NFASC: variants seen among roughly 807,000 people sequenced by gnomAD.
The protein encoded by NFASC is neurofascin homolog.
NFASC carries 43 observed loss-of-function variants against 147.5 expected under a neutral mutation model. That is an observed-to-expected ratio of 0.29 (90% CI 0.23 to 0.38). The LOEUF is 0.38. NFASC is among the 10% of genes least tolerant of loss of function. The probability of loss-of-function intolerance (pLI) is 1.00; values close to 1 mark genes in which losing one functional copy is unlikely to be tolerated. For synonymous variants in NFASC, 622 were observed against 665.5 expected (o/e 0.93, Z 1.01); for missense variants, 1,320 against 1,689.0 (o/e 0.78, Z 3.83).
Position 205,015,711 on chromosome 1 carries a change from C to G in NFASC, c.3492-597C>G, listed in dbSNP as rs1049558505. ...CTTGCGCACCTGTGCTTGCTAGGCC[C>G]AAAGCAATAACATCTTTTTATAGAT... is the stretch of plus-strand genomic sequence containing the variant. On this transcript the variant is annotated intron_variant, in intron 29 of 29. Transcript: ENST00000339876. This position sits in a 1 kb window ranked among gnomAD's most constrained non-coding sequence, Gnocchi z 4.0. Among the ~76,000 whole-genome samples the G allele has an allele frequency of 6.6e-6, 1 of 152,092 alleles. No individual in the cohort carries two copies. Among genetic ancestry groups the G allele is most frequent in the African/African-American group, 2.4e-5 (1 of 41,416 alleles).
rs1427133221 is a variant in NFASC, at chr1:204,877,052, ATATTTATT to A, written c.-199-43576_-199-43569del. ...TAATATATATTTATATATATATAAT[ATATTTATT>A]TATATATTTATATATATATAATATA... On this transcript the variant is annotated intron_variant, in intron 1 of 29. Coordinates refer to ENST00000339876, the MANE Select transcript of NFASC (RefSeq NM_001005388.3). Among the ~76,000 whole-genome samples the A allele has an allele frequency of 7.7e-3, 762 of 98,662 alleles. 35 individuals are homozygous for A. The highest frequency in any genetic ancestry group is 0.043 in the African/African-American group (724 of 16,984). 64.7% of individuals were successfully genotyped at this position (98,662 alleles called of 152,430 possible).
chr1:204,920,458 GCTTTGAACTT>G (rs2149436223), intron 1 of NFASC, among the ~76,000 whole-genome samples, 164 bp from the exon 2 acceptor site: 1 of 137,972 alleles, frequency 7.2e-6, no homozygotes, highest in African/African-American at 2.7e-5. Context: ...CTTCCAGAGT[GCTTTGAACTT>G]CTTTGAACAA....
At chr1:204,861,078 C>CTTTT (rs1162020795) in intron 1 of NFASC, among the ~76,000 whole-genome samples, 5 of 68,948 alleles carry the variant, frequency 7.3e-5, no homozygotes, top group African/African-American at 2.4e-4. Context: ...ACTTGCTTTC[C>CTTTT]TTTTTTTTTT....
At chr1:205,009,805 C>A in intron 28 of NFASC, 117 bp downstream of exon 28, 2 of 1,111,922 alleles carry the variant, frequency 1.8e-6, no homozygotes, top group Non-Finnish European at 2.6e-6. Flanking sequence ...AGCCCTTGCC[C>A]GGATTGGAAA....
intron 7 of NFASC, among the ~76,000 whole-genome samples, chr1:204,955,942 T>C (rs2094403452): frequency 6.6e-6 from 1 of 152,210 alleles, no homozygotes; most frequent in Non-Finnish European, 1.5e-5. Flanking sequence ...GGCTTTGTGC[T>C]CAATCACTGT....
chr1:204,881,359 G>A (rs2080188129), intron 1 of NFASC, among the ~76,000 whole-genome samples: 2 of 152,216 alleles, frequency 1.3e-5, no homozygotes, highest in African/African-American at 4.8e-5. Context: ...GGTGACAGAT[G>A]CATAGCTCCC....
rs1352554469 is a variant in NFASC, at chr1:204,979,078, G to A, written c.1978+9G>A. On this transcript the variant is annotated intron_variant, in intron 18 of 29. Coordinates refer to ENST00000339876, the MANE Select transcript of NFASC (RefSeq NM_001005388.3). The surrounding 1 kb of genome is among the most constrained non-coding windows in gnomAD (Gnocchi z 6.0). The stretch of plus-strand genomic sequence containing the variant: ...CAACAGCCCCATCACAGGTAGCTCA[G>A]GGCCTTGCACCCCAAAGCTGGAAAA... 2 of 1,550,094 alleles carry A rather than the reference G, an allele frequency of 1.3e-6. No homozygotes were observed. The highest frequency in any genetic ancestry group is 2.7e-5 in the African/African-American group (2 of 73,242).
At chr1:204,894,339 G>A (rs1234834990) in intron 1 of NFASC, among the ~76,000 whole-genome samples, 2 of 152,248 alleles carry the variant, frequency 1.3e-5, no homozygotes, top group Admixed American at 1.3e-4. Flanking sequence ...TGGGGAAGAA[G>A]ATGGGAATGG....
intron 2 of NFASC, among the ~76,000 whole-genome samples, chr1:204,938,140 G>A (rs780347633): frequency 6.6e-6 from 1 of 152,210 alleles, no homozygotes; most frequent in African/African-American, 2.4e-5. Context: ...TGGGAGCCAC[G>A]GGATCTCATC....
chr1:204,957,937 C>G, intron 8 of NFASC, 111 bp downstream of exon 8: 1 of 967,754 alleles, frequency 1.0e-6, no homozygotes, highest in Non-Finnish European at 1.6e-6. Flanking sequence ...TGAGGCTGAC[C>G]TAGAAATCCT....
intron 3 of NFASC, among the ~76,000 whole-genome samples, chr1:204,945,593 T>C (rs2093669347): frequency 6.6e-6 from 1 of 152,214 alleles, no homozygotes. Context: ...AGAGGTAAGA[T>C]GGGCAAAGCC....
At chr1:204,928,268 C>G (rs1476380539) in intron 2 of NFASC, among the ~76,000 whole-genome samples, 1 of 152,156 alleles carries the variant, frequency 6.6e-6, no homozygotes, top group African/African-American at 2.4e-5. Flanking sequence ...CCATTTCATG[C>G]ATGTTCCCTA....
intron 8 of NFASC, among the ~76,000 whole-genome samples, chr1:204,967,108 G>A (rs2094991863): frequency 6.6e-6 from 1 of 152,154 alleles, no homozygotes; most frequent in Non-Finnish European, 1.5e-5. Flanking sequence ...GCTCCTGGCA[G>A]CTCTGCCTCC....
chr1:204,957,888 A>T (rs2094499390), intron 8 of NFASC, 62 bp downstream of exon 8: 1 of 1,507,556 alleles, frequency 6.6e-7, no homozygotes, highest in Non-Finnish European at 9.2e-7. Context: ...GATCCCACCC[A>T]GCCCTAGGTA....
chr1:204,964,549 A>T (rs566863062), intron 8 of NFASC, among the ~76,000 whole-genome samples: 1 of 152,364 alleles, frequency 6.6e-6, no homozygotes, highest in African/African-American at 2.4e-5. Flanking sequence ...CAACTACTGC[A>T]TATGAGGTTT....
At chr1:204,874,654 C>G (rs1488854998) in intron 1 of NFASC, among the ~76,000 whole-genome samples, 2 of 152,222 alleles carry the variant, frequency 1.3e-5, no homozygotes, top group African/African-American at 4.8e-5. Flanking sequence ...TGCCCTTCTA[C>G]CCTCCCCACC....
chr1:204,997,271 A>G lies in NFASC; in HGVS notation c.2884A>G (p.Ile962Val). 6.2e-7 allele frequency: 1 copy of G among 1,612,852 alleles called. No homozygotes were observed. Among genetic ancestry groups the G allele is most frequent in the Admixed American group, 1.7e-5 (1 of 59,908 alleles). ...AATTEATTVP[I>V]IPTVAPTTIA... The stretch of plus-strand genomic sequence containing the variant: ...CACCACCGAAGCCACAACAGTCCCC[A>G]TCATCCCAACTGTCGCACCTACCAC... The change falls in exon 25 of 30, where the codon ATC becomes GTC. Residue 962 changes from isoleucine to valine, a missense_variant. Ile to Val is a conservative substitution (Grantham distance 29, BLOSUM62 3). Around this residue, in one of 3 missense-constraint regions of NFASC, gnomAD observed 172 missense variants for 165.8 expected, o/e 1.04. Coordinates refer to ENST00000339876, the MANE Select transcript of NFASC (RefSeq NM_001005388.3).
Position 204,895,248 on chromosome 1 carries a change from C to A in NFASC, c.-199-25384C>A, listed in dbSNP as rs577901179. On this transcript the variant is annotated intron_variant, in intron 1 of 29. Transcript: ENST00000339876. ...CCAATATCATATGACCCCTGCCTGT[C>A]CCTCCTGACTTACCTAATTTCTGCC... 7.2e-5 allele frequency among the ~76,000 whole-genome samples: 11 copies of A among 152,252 alleles called. No individual in the cohort carries two copies. The South Asian group carries it at 2.3e-3, about 32-fold the overall frequency.
At chr1:204,977,818 G>A (rs1026557949) in intron 17 of NFASC, 93 bp downstream of exon 17, 22 of 1,218,172 alleles carry the variant, frequency 1.8e-5, no homozygotes, top group African/African-American at 1.2e-4. Flanking sequence ...GGGAAAGGGC[G>A]ACAGTGTGTA....
Sources: allele counts gnomAD v4.1 joint callset (sites outside exome capture counted in the v4.1 genomes callset), GRCh38; gene constraint gnomAD v4.1.1; regional missense constraint gnomAD v4.1.1; non-coding constraint Gnocchi (gnomAD v3.1); transcripts MANE v1.5; gene names NCBI Gene and HGNC (gene_info 2026-07-23, HGNC 2026-07-21).